PRKD1: variants seen among roughly 807,000 people sequenced by gnomAD.
PRKD1 encodes serine/threonine-protein kinase D1.
In PRKD1, 63 loss-of-function variants were observed where a neutral mutation model predicts 95.9. The observed-to-expected ratio is 0.66, with a 90% CI of 0.54 to 0.81. The LOEUF is 0.81. Among genes scored for constraint, PRKD1 ranks in the 30% least tolerant of loss-of-function variants. The pLI, the probability that PRKD1 is intolerant of heterozygous loss-of-function variation, is 0.00. For synonymous variants in PRKD1, 425 were observed against 423.1 expected, an observed-to-expected ratio of 1.00 and a Z score of -0.05; for missense variants, 1,048 against 1,165.3, an observed-to-expected ratio of 0.90 and a Z score of 1.47.
intron 1 of PRKD1, among the ~76,000 whole-genome samples, chr14:29,817,431 A>G (rs1396684123): frequency 6.6e-6 from 1 of 152,212 alleles, no homozygotes; most frequent in East Asian, 1.9e-4. Flanking sequence ...ATTAGTTTTC[A>G]CTAACTCATA....
intron 1 of PRKD1, among the ~76,000 whole-genome samples, chr14:29,894,786 A>G (rs1373787276): frequency 6.6e-6 from 1 of 152,228 alleles, no homozygotes. Flanking sequence ...AGCCAGAACA[A>G]TACTGAATCA....
At chr14:29,676,176 C>CTTTTTTTTTTTTTTTTTTTTTT (rs1566532166) in intron 2 of PRKD1, among the ~76,000 whole-genome samples, 1 of 62,244 alleles carries the variant, frequency 1.6e-5, no homozygotes, top group African/African-American at 9.3e-5. Context: ...TAGTTCATTA[C>CTTTTTTTTTTTTTTTTTTTTTT]GTTTTTGTTT....
At chr14:29,607,768 T>G (rs1407162491) in intron 13 of PRKD1, among the ~76,000 whole-genome samples, 1 of 152,224 alleles carries the variant, frequency 6.6e-6, no homozygotes, top group African/African-American at 2.4e-5. Flanking sequence ...TCTTCCTATT[T>G]TAAGGTCTGC....
chr14:29,678,922 CAG>C (rs1323738973), intron 2 of PRKD1, among the ~76,000 whole-genome samples: 7 of 152,010 alleles, frequency 4.6e-5, no homozygotes, highest in African/African-American at 1.4e-4. Flanking sequence ...ATACTAAAAA[CAG>C]GGGACAATGT....
At chr14:29,600,640 T>C (rs1393126050) in intron 13 of PRKD1, among the ~76,000 whole-genome samples, 1 of 152,152 alleles carries the variant, frequency 6.6e-6, no homozygotes, top group African/African-American at 2.4e-5. Flanking sequence ...ATGTGGGATG[T>C]AAGTATGCGT....
intron 2 of PRKD1, among the ~76,000 whole-genome samples, chr14:29,677,867 GTTC>G (rs959252652): frequency 2.6e-5 from 4 of 152,120 alleles, no homozygotes; most frequent in African/African-American, 7.2e-5. Context: ...GCCCAGCCCA[GTTC>G]TTCTTTTCTT....
intron 1 of PRKD1, among the ~76,000 whole-genome samples, chr14:29,761,716 G>T (rs1226186572): frequency 6.6e-6 from 1 of 151,164 alleles, no homozygotes; most frequent in Admixed American, 6.6e-5. Flanking sequence ...GCATAAAGCA[G>T]AAAAAGTTCT....
chr14:29,619,614 T>C lies in PRKD1; in HGVS notation c.1905+4538A>G, dbSNP rs78332045. Among the ~76,000 whole-genome samples, 970 of 152,208 alleles carry C rather than the reference T, an allele frequency of 6.4e-3. 22 individuals are homozygous for C. Among genetic ancestry groups the C allele is most frequent in the African/African-American group, 0.022 (903 of 41,530 alleles). On this transcript the variant is annotated intron_variant, in intron 13 of 17. Transcript: ENST00000331968. ...AATTCTATAGTAGGTTAGAAAGTGA[T>C]AACTGCTACAGAAAACAAAACAGAT...
intron 1 of PRKD1, among the ~76,000 whole-genome samples, chr14:29,757,082 G>C (rs1486290308): frequency 6.6e-6 from 1 of 152,154 alleles, no homozygotes; most frequent in African/African-American, 2.4e-5. Context: ...TGGGTTAAAT[G>C]AATCAATCAT....
intron 1 of PRKD1, among the ~76,000 whole-genome samples, chr14:29,823,517 G>T (rs959869307): frequency 6.6e-6 from 1 of 152,104 alleles, no homozygotes; most frequent in African/African-American, 2.4e-5. Context: ...CCATTGAATT[G>T]ATAGCTCTAA....
At chr14:29,669,401 A>C (rs538016523) in intron 2 of PRKD1, among the ~76,000 whole-genome samples, 1 of 152,308 alleles carries the variant, frequency 6.6e-6, no homozygotes, top group Non-Finnish European at 1.5e-5. Context: ...AGTTCGTCCC[A>C]AAGCAAAACA....
intron 1 of PRKD1, among the ~76,000 whole-genome samples, chr14:29,891,005 AAG>A (rs1893920521): frequency 6.6e-6 from 1 of 152,178 alleles, no homozygotes; most frequent in African/African-American, 2.4e-5. Flanking sequence ...ATAAAATATC[AAG>A]AGAGAATCCT....
intron 1 of PRKD1, among the ~76,000 whole-genome samples, chr14:29,869,938 G>C (rs909363281): frequency 6.6e-6 from 1 of 152,110 alleles, no homozygotes; most frequent in Admixed American, 6.5e-5. Context: ...TCTCAAAAAA[G>C]GAAGATCACC....
intron 1 of PRKD1, among the ~76,000 whole-genome samples, chr14:29,925,046 C>T (rs185402067): frequency 6.6e-6 from 1 of 152,118 alleles, no homozygotes; most frequent in Admixed American, 6.5e-5. Flanking sequence ...AAATCTAACC[C>T]CAACTTTTTT....
intron 1 of PRKD1, among the ~76,000 whole-genome samples, chr14:29,755,486 CA>C (rs1237968332): frequency 6.6e-6 from 1 of 152,098 alleles, no homozygotes; most frequent in East Asian, 1.9e-4. Context: ...AGCCAAGAGA[CA>C]AACCCCGGCG....
At chr14:29,815,158 A>G (rs1890641028) in intron 1 of PRKD1, among the ~76,000 whole-genome samples, 1 of 152,152 alleles carries the variant, frequency 6.6e-6, no homozygotes, top group Non-Finnish European at 1.5e-5. Flanking sequence ...ATCATCAAGG[A>G]AAAAAAATTC....
intron 2 of PRKD1, among the ~76,000 whole-genome samples, chr14:29,683,478 G>A: frequency 6.6e-6 from 1 of 152,182 alleles, no homozygotes; most frequent in East Asian, 1.9e-4. Flanking sequence ...ATTCAGGACA[G>A]AGGTTAGGGG....
chr14:29,611,366 C>G (rs1878445040), intron 13 of PRKD1, among the ~76,000 whole-genome samples: 1 of 151,978 alleles, frequency 6.6e-6, no homozygotes, highest in Non-Finnish European at 1.5e-5. Context: ...AAAACCTCAA[C>G]GAAATCTAGA....
intron 1 of PRKD1, among the ~76,000 whole-genome samples, chr14:29,733,867 C>T (rs114917752): frequency 0.015 from 2,319 of 151,952 alleles, 63 homozygotes; most frequent in African/African-American, 0.049. Context: ...GTTCTAAAAG[C>T]TGTGTTTGGT....
Sources: gnomAD v4.1 joint callset for allele counts (sites outside exome capture counted in the v4.1 genomes callset) on GRCh38, gnomAD v4.1.1 for gene constraint, MANE v1.5 for transcripts, NCBI Gene and HGNC (gene_info 2026-07-23, HGNC 2026-07-21) for gene names.